ANXA6: variants seen among roughly 807,000 people sequenced by gnomAD.
ANXA6 encodes 67 kDa calelectrin.
ANXA6 carries 71 observed loss-of-function variants against 95.4 expected under a neutral mutation model. That is an observed-to-expected ratio of 0.74 (90% CI 0.61 to 0.91). ANXA6 has a LOEUF of 0.91. ANXA6 is among the 40% of genes least tolerant of loss of function. The probability of loss-of-function intolerance (pLI) is 0.00; values close to 1 mark genes in which losing one functional copy is unlikely to be tolerated. For synonymous variants in ANXA6, 289 were observed against 315.9 expected (o/e 0.91, Z 0.90); for missense variants, 830 against 876.4 (o/e 0.95, Z 0.67).
intron 14 of ANXA6, 28 bp from the exon 15 acceptor site, chr5:151,124,395 G>C: frequency 6.3e-7 from 1 of 1,585,704 alleles, no homozygotes; most frequent in Non-Finnish European, 8.6e-7. Context: ...AGACTCAGCA[G>C]GTGTCTGAAG....
chr5:151,111,098 A>G (rs547255880), intron 20 of ANXA6, among the ~76,000 whole-genome samples: 2 of 152,214 alleles, frequency 1.3e-5, no homozygotes, highest in Non-Finnish European at 2.9e-5. Flanking sequence ...GGCAAGAGAC[A>G]TGTAATTTTA....
In ANXA6 at chr5:151,156,380, C is replaced by A. The variant is rs1766237946; in HGVS notation, c.-26+1300G>T. Among the ~76,000 whole-genome samples, 6 of 152,322 alleles carry A rather than the reference C, an allele frequency of 3.9e-5. No homozygotes were observed. The South Asian group carries it at 1.2e-3, about 32-fold the overall frequency. Reference sequence around the variant, plus strand: ...GGACTGTAACCGGGCTTTCCTCTGACCCCAGGCCAGTGCCCTCGGCGTGGC... The same window carrying A: ...GGACTGTAACCGGGCTTTCCTCTGAACCCAGGCCAGTGCCCTCGGCGTGGC... On this transcript the variant is annotated intron_variant, in intron 1 of 25. Transcript: ENST00000354546.
At chr5:151,133,426 CA>C in intron 8 of ANXA6, 1 of 468,070 alleles carries the variant, frequency 2.1e-6, no homozygotes, top group Admixed American at 3.6e-5. Flanking sequence ...ACCTAGATGG[CA>C]TAGCCTACTA....
intron 1 of ANXA6, among the ~76,000 whole-genome samples, chr5:151,149,106 A>G (rs927205836): frequency 2.1e-5 from 3 of 142,914 alleles, no homozygotes; most frequent in African/African-American, 7.8e-5. Context: ...GCTTGAACTC[A>G]GGAGGTGGAG....
chr5:151,150,472 T>A (rs1447089317), intron 1 of ANXA6, among the ~76,000 whole-genome samples: 1 of 152,222 alleles, frequency 6.6e-6, no homozygotes, highest in African/African-American at 2.4e-5. Flanking sequence ...TGGTGGGAAG[T>A]TGAGGACAGG....
At chr5:151,128,150 C>A in intron 13 of ANXA6, 31 bp downstream of exon 13, 1 of 1,598,572 alleles carries the variant, frequency 6.3e-7, no homozygotes, top group South Asian at 1.1e-5. Context: ...CAAGGCCATG[C>A]CCTCCAGCCA....
intron 1 of ANXA6, among the ~76,000 whole-genome samples, chr5:151,152,645 G>A (rs1167883386): frequency 6.6e-6 from 1 of 152,186 alleles, no homozygotes; most frequent in East Asian, 1.9e-4. Context: ...ACAATCCACT[G>A]GGGTGCAGGA....
intron 12 of ANXA6, among the ~76,000 whole-genome samples, chr5:151,129,069 C>T (rs532233396): frequency 6.6e-6 from 1 of 152,238 alleles, no homozygotes; most frequent in Non-Finnish European, 1.5e-5. Flanking sequence ...CCCCTTTAAC[C>T]CTCATTTGTG....
chr5:151,108,566 G>T lies in ANXA6; in HGVS notation c.1685-16C>A. ...TCCTGGAAGACTGGCCACAAGAGAA[G>T]CCCCAGAGGTGGGGGTGAGCTTCAG... On this transcript the variant is annotated splice_polypyrimidine_tract_variant and intron_variant, in intron 22 of 25. Coordinates refer to ENST00000354546, the MANE Select transcript of ANXA6 (RefSeq NM_001155.5). The T allele has an allele frequency of 6.2e-7, 1 of 1,611,690 alleles. No homozygotes were observed. The highest frequency in any genetic ancestry group is 8.5e-7 in the Non-Finnish European group (1 of 1,177,776).
At chr5:151,137,618 C>T (rs1316740212) in intron 5 of ANXA6, among the ~76,000 whole-genome samples, 1 of 152,166 alleles carries the variant, frequency 6.6e-6, no homozygotes, top group Non-Finnish European at 1.5e-5. Context: ...AGCACCATCT[C>T]CTTGCTACTG....
chr5:151,114,640 A>AAAAAAAAAAAAAAAAT (rs1446620559), intron 20 of ANXA6, among the ~76,000 whole-genome samples: 1 of 129,776 alleles, frequency 7.7e-6, no homozygotes, highest in Admixed American at 8.2e-5. Flanking sequence ...AAAAAAAAAA[A>AAAAAAAAAAAAAAAAT]AAAAAGTCTG....
At chr5:151,117,935 T>C (rs1765051127) in intron 18 of ANXA6, 98 bp from the exon 19 acceptor site, 6 of 952,052 alleles carry the variant, frequency 6.3e-6, no homozygotes, top group African/African-American at 3.2e-5. Context: ...CAGGGCAGTA[T>C]TGGCAGGGGG....
Position 151,128,207 on chromosome 5 carries a change from CAG to C in ANXA6, c.949_950del (p.Leu317AlafsTer8), listed in dbSNP as rs1561576551. The C allele has an allele frequency of 2.5e-6, 4 of 1,612,550 alleles. No individual in the cohort carries two copies. In the South Asian group the frequency reaches 3.3e-5, roughly 13 times the overall value. On this transcript the variant is annotated frameshift_variant, in exon 13 of 26. Transcript: ENST00000354546. LOFTEE classifies it high-confidence loss of function. ...CATCATCTCCCCCAGACAGCTTCAG[CAG>C]AGTCTTCTTGTACTCGCCAGAGGTG... Reference protein sequence around the residue: ...NDTSGEYKKTLLKLSGGDDDA... With the variant: ...NDTSGEYKKTXLKLSGGDDDA...
At position 151,131,280 on chromosome 5, in the gene ANXA6, A is replaced by T. The variant is rs1316074026; in HGVS notation, c.746T>A (p.Ile249Asn). 1 of 1,613,986 alleles carries T rather than the reference A, an allele frequency of 6.2e-7. No individual in the cohort carries two copies. The highest frequency in any genetic ancestry group is 8.5e-7 in the Non-Finnish European group (1 of 1,179,882). ...AGCAAAATATTCCGGGGTGCTCCGG[A>T]TACACTTCACTGTGAAGAGGGAGGA... ...EKLMLAVVKC[I>N]RSTPEYFAER... The change falls in exon 11 of 26, where the codon ATC becomes AAC. Residue 249 changes from isoleucine to asparagine, a missense_variant. By Grantham distance (149) the Ile-to-Asn change is moderately radical. Coordinates refer to ENST00000354546, the MANE Select transcript of ANXA6 (RefSeq NM_001155.5).
At chr5:151,156,391 T>A (rs2113966400) in intron 1 of ANXA6, among the ~76,000 whole-genome samples, 2 of 152,330 alleles carry the variant, frequency 1.3e-5, no homozygotes, top group East Asian at 3.9e-4. Flanking sequence ...CCCAGGCCAG[T>A]GCCCTCGGCG....
At chr5:151,139,650 T>C (rs978865059) in intron 3 of ANXA6, among the ~76,000 whole-genome samples, 4 of 152,094 alleles carry the variant, frequency 2.6e-5, no homozygotes, top group African/African-American at 9.7e-5. Context: ...ACACACAATA[T>C]CTGTGCTCAG....
chr5:151,132,931 C>T (rs558186700), intron 9 of ANXA6, among the ~76,000 whole-genome samples, 163 bp downstream of exon 9: 44 of 150,640 alleles, frequency 2.9e-4, no homozygotes, highest in Non-Finnish European at 4.3e-4. Flanking sequence ...CGGCAAAAAC[C>T]GCAGTTACTT....
chr5:151,154,596 C>T (rs1766189302), intron 1 of ANXA6, among the ~76,000 whole-genome samples: 1 of 152,102 alleles, frequency 6.6e-6, no homozygotes, highest in African/African-American at 2.4e-5. Flanking sequence ...ACCCAGGACC[C>T]GCTCCATAAC....
chr5:151,110,096 C>A (rs985847002), intron 21 of ANXA6, among the ~76,000 whole-genome samples: 1 of 152,140 alleles, frequency 6.6e-6, no homozygotes, highest in African/African-American at 2.4e-5. Context: ...CCATCCTAGC[C>A]TCAGGACCGT....
Sources: gnomAD v4.1 joint callset for allele counts (sites outside exome capture counted in the v4.1 genomes callset) on GRCh38, gnomAD v4.1.1 for gene constraint, MANE v1.5 for transcripts, NCBI Gene and HGNC (gene_info 2026-07-23, HGNC 2026-07-21) for gene names.